The following CDH12 variants were observed in gnomAD, a reference collection of about 807,000 sequenced individuals.
CDH12 encodes the protein cadherin-12.
A neutral mutation model predicts 74.1 loss-of-function variants in CDH12; 41 were observed. The ratio of observed to expected loss-of-function variants is 0.55; its 90% CI spans 0.43 to 0.72. The LOEUF is 0.72. CDH12 is among the 30% of genes least tolerant of loss of function. CDH12 has a pLI of 0.00. For missense variants in CDH12, 945 were observed against 977.2 expected (o/e 0.97, Z 0.44); for synonymous variants, 399 against 355.0 (o/e 1.12, Z -1.39).
At chr5:21,765,457 T>C (rs376713994) in intron 11 of CDH12, among the ~76,000 whole-genome samples, 313 of 151,844 alleles carry the variant, frequency 2.1e-3, no homozygotes, top group Non-Finnish European at 3.4e-3. Flanking sequence ...ATGAAAACGT[T>C]ATTGGTTGGA....
At chr5:22,759,414 C>T (rs1746093864) in intron 1 of CDH12, among the ~76,000 whole-genome samples, 1 of 152,102 alleles carries the variant, frequency 6.6e-6, no homozygotes, top group Admixed American at 6.6e-5. Flanking sequence ...TAAAATTAGG[C>T]AAGATCATTT....
intron 3 of CDH12, among the ~76,000 whole-genome samples, chr5:22,266,267 G>A (rs962966935): frequency 1.3e-5 from 2 of 151,784 alleles, no homozygotes; most frequent in African/African-American, 4.8e-5. Flanking sequence ...GTAGAGACGG[G>A]GTTTCACCAT....
chr5:21,961,187 T>C (rs1450860856), intron 6 of CDH12, among the ~76,000 whole-genome samples: 3 of 152,212 alleles, frequency 2.0e-5, no homozygotes, highest in Admixed American at 6.5e-5. Flanking sequence ...TTTAGTTCTG[T>C]CTGTTTTTAC....
intron 3 of CDH12, among the ~76,000 whole-genome samples, chr5:22,290,252 A>G (rs1737325008): frequency 1.3e-5 from 2 of 152,208 alleles, no homozygotes; most frequent in South Asian, 4.1e-4. Context: ...AAAAGATGGT[A>G]TTATCAAATG....
chr5:21,980,004 T>G lies in CDH12; in HGVS notation c.232-4619A>C, dbSNP rs1489830792. The stretch of plus-strand genomic sequence containing the variant: ...CTAACTGGTGTGAGATGGTATCTCA[T>G]AGTGGTTTTGATTTGCATTTCTCTG... On this transcript the variant is annotated intron_variant, in intron 5 of 14. Transcript: ENST00000382254. Among the ~76,000 whole-genome samples the G allele has an allele frequency of 4.6e-5, 7 of 151,970 alleles. No individual in the cohort carries two copies. The East Asian group carries it at 1.2e-3, about 25-fold the overall frequency.
At chr5:21,817,418 A>G (rs1425054094) in intron 8 of CDH12, among the ~76,000 whole-genome samples, 1 of 152,096 alleles carries the variant, frequency 6.6e-6, no homozygotes, top group Admixed American at 6.6e-5. Flanking sequence ...TATATGGCAT[A>G]AAAGTGTACC....
chr5:22,389,520 T>C (rs1742138505), intron 3 of CDH12, among the ~76,000 whole-genome samples: 1 of 152,182 alleles, frequency 6.6e-6, no homozygotes, highest in Non-Finnish European at 1.5e-5. Flanking sequence ...AAAAATACAA[T>C]ATTTCTTTTT....
chr5:22,638,605 AC>A (rs1738962358), intron 1 of CDH12: 1 of 152,250 alleles, frequency 6.6e-6, no homozygotes, highest in Non-Finnish European at 1.5e-5. Context: ...CCTCACAGAC[AC>A]CCCCAGGAAC....
chr5:22,353,352 ACTG>A (rs1740432531), intron 3 of CDH12, among the ~76,000 whole-genome samples: 1 of 152,174 alleles, frequency 6.6e-6, no homozygotes, highest in South Asian at 2.1e-4. Flanking sequence ...TAAATTAACT[ACTG>A]CTAAGACTCA....
intron 3 of CDH12, among the ~76,000 whole-genome samples, chr5:22,328,156 G>A (rs992149351): frequency 6.6e-6 from 1 of 152,122 alleles, no homozygotes; most frequent in Non-Finnish European, 1.5e-5. Flanking sequence ...CACACACCCT[G>A]TGTACTTTAT....
intron 3 of CDH12, among the ~76,000 whole-genome samples, chr5:22,323,918 A>C (rs1738985144): frequency 6.6e-6 from 1 of 152,194 alleles, no homozygotes; most frequent in Non-Finnish European, 1.5e-5. Context: ...AAATCTGAAT[A>C]ATAGTAATTG....
intron 1 of CDH12, among the ~76,000 whole-genome samples, chr5:22,506,352 G>T (rs1209537864): frequency 6.6e-6 from 1 of 152,078 alleles, no homozygotes; most frequent in East Asian, 1.9e-4. Flanking sequence ...ATATGTATCA[G>T]TGTAATCTCA....
At chr5:22,356,743 A>G (rs1458425693) in intron 3 of CDH12, among the ~76,000 whole-genome samples, 1 of 152,036 alleles carries the variant, frequency 6.6e-6, no homozygotes, top group East Asian at 1.9e-4. Flanking sequence ...ACCAATTTCA[A>G]TCCTATTTTG....
At chr5:22,596,502 G>A (rs1736615281) in intron 1 of CDH12, among the ~76,000 whole-genome samples, 1 of 152,108 alleles carries the variant, frequency 6.6e-6, no homozygotes, top group Non-Finnish European at 1.5e-5. Context: ...AATAAAATCT[G>A]AAAGTTAGGA....
intron 5 of CDH12, among the ~76,000 whole-genome samples, chr5:22,050,065 A>G (rs1055859954): frequency 6.6e-6 from 1 of 151,986 alleles, no homozygotes; most frequent in Non-Finnish European, 1.5e-5. Context: ...TCCCCTCCCA[A>G]ATTTTTAAAT....
chr5:22,825,668 A>G (rs1331525565), intron 1 of CDH12, among the ~76,000 whole-genome samples: 1 of 152,120 alleles, frequency 6.6e-6, no homozygotes, highest in African/African-American at 2.4e-5. Flanking sequence ...GATCATGTGG[A>G]GTGTTCTAAA....
chr5:22,024,569 G>A (rs1478479021), intron 5 of CDH12, among the ~76,000 whole-genome samples: 1 of 152,062 alleles, frequency 6.6e-6, no homozygotes, highest in African/African-American at 2.4e-5. Flanking sequence ...CTGGAGTACA[G>A]TGGTGTGATC....
chr5:22,600,709 A>G (rs1380523808), intron 1 of CDH12, among the ~76,000 whole-genome samples: 1 of 152,002 alleles, frequency 6.6e-6, no homozygotes, highest in African/African-American at 2.4e-5. Flanking sequence ...ACTATTTAGT[A>G]TAGTTTATCT....
intron 2 of CDH12, among the ~76,000 whole-genome samples, chr5:22,493,058 T>C (rs1231899954): frequency 6.6e-6 from 1 of 152,170 alleles, no homozygotes; most frequent in East Asian, 1.9e-4. Context: ...GCCAAACTTA[T>C]CCCTCCTGGG....
Sources: allele counts gnomAD v4.1 joint callset (sites outside exome capture counted in the v4.1 genomes callset), GRCh38; gene constraint gnomAD v4.1.1; transcripts MANE v1.5; gene names NCBI Gene and HGNC (gene_info 2026-07-23, HGNC 2026-07-21).